Variants in PTPRD observed in about 807,000 individuals in gnomAD.
The protein encoded by PTPRD is protein tyrosine phosphatase receptor type D.
PTPRD carries 34 observed loss-of-function variants against 214.5 expected under a neutral mutation model. The observed-to-expected ratio is 0.16, with a 90% confidence interval of 0.12 to 0.21. The LOEUF (loss-of-function observed/expected upper bound fraction) is 0.21. PTPRD is among the 10% of genes least tolerant of loss of function. The pLI, the probability that PTPRD is intolerant of heterozygous loss-of-function variation, is 1.00. For missense variants in PTPRD, 2,545 were observed against 2,398.7 expected (o/e 1.06, Z -1.27); for synonymous variants, 1,128 against 845.7 (o/e 1.33, Z -5.79).
At chr9:8,683,325 T>C (rs531124885) in intron 12 of PTPRD, among the ~76,000 whole-genome samples, 1 of 151,854 alleles carries the variant, frequency 6.6e-6, no homozygotes, top group East Asian at 1.9e-4. Context: ...TAAGCTTCTT[T>C]GAAAAATGTT....
At chr9:10,467,992 C>T (rs1468948119) in intron 2 of PTPRD, among the ~76,000 whole-genome samples, 2 of 152,046 alleles carry the variant, frequency 1.3e-5, no homozygotes, top group Non-Finnish European at 2.9e-5. Context: ...ATTAAAAAGT[C>T]AGGAAACAAC....
chr9:9,926,039 C>G (rs1444766428), intron 5 of PTPRD, among the ~76,000 whole-genome samples: 1 of 151,886 alleles, frequency 6.6e-6, no homozygotes, highest in Non-Finnish European at 1.5e-5. Context: ...CTATGTTGCC[C>G]AGGCTGGTCT....
chr9:9,992,541 G>C (rs2095977949), intron 4 of PTPRD, among the ~76,000 whole-genome samples: 1 of 152,106 alleles, frequency 6.6e-6, no homozygotes, highest in African/African-American at 2.4e-5. Context: ...CAAAGACTTG[G>C]AACCAACCCA....
intron 2 of PTPRD, among the ~76,000 whole-genome samples, chr9:10,521,809 T>G (rs117073130): frequency 6.6e-6 from 1 of 152,168 alleles, no homozygotes; most frequent in Non-Finnish European, 1.5e-5. Context: ...GGTATGTACA[T>G]TGTTTTTATA....
chr9:9,089,352 A>G (rs2099772182), intron 10 of PTPRD, among the ~76,000 whole-genome samples: 1 of 152,220 alleles, frequency 6.6e-6, no homozygotes, highest in Non-Finnish European at 1.5e-5. Flanking sequence ...TCCAAGGTCT[A>G]CAGTTTGCTG....
chr9:9,916,423 G>T (rs1273739868), intron 5 of PTPRD, among the ~76,000 whole-genome samples: 1 of 151,878 alleles, frequency 6.6e-6, no homozygotes, highest in African/African-American at 2.4e-5. Flanking sequence ...CAAATGATAG[G>T]TGTACGTCCT....
intron 30 of PTPRD, 42 bp downstream of exon 30, chr9:8,484,077 C>G (rs755340887): frequency 6.3e-7 from 1 of 1,586,310 alleles, no homozygotes; most frequent in Non-Finnish European, 8.6e-7. Flanking sequence ...TCCTATTTAC[C>G]TATAATTCTT....
intron 9 of PTPRD, among the ~76,000 whole-genome samples, chr9:9,194,022 C>T (rs1013392330): frequency 5.9e-5 from 9 of 152,092 alleles, no homozygotes; most frequent in Non-Finnish European, 1.5e-5. Flanking sequence ...ATACCCTTAT[C>T]TTACGAGCTT....
chr9:9,793,160 C>G (rs531787925), intron 5 of PTPRD, among the ~76,000 whole-genome samples: 31 of 152,078 alleles, frequency 2.0e-4, no homozygotes, highest in Admixed American at 7.9e-4. Context: ...TTTGCCATGA[C>G]AAAATTATTT....
At chr9:10,005,855 A>T (rs1163898734) in intron 4 of PTPRD, among the ~76,000 whole-genome samples, 1 of 152,130 alleles carries the variant, frequency 6.6e-6, no homozygotes, top group African/African-American at 2.4e-5. Context: ...GATATAAAAG[A>T]ACAAAATTGT....
chr9:8,648,861 T>C (rs1181538011), intron 12 of PTPRD, among the ~76,000 whole-genome samples: 3 of 152,218 alleles, frequency 2.0e-5, no homozygotes, highest in Non-Finnish European at 4.4e-5. Context: ...AGAGTTAGTT[T>C]TCAAAGCAGA....
chr9:9,679,887 G>A (rs2097028096), intron 7 of PTPRD, among the ~76,000 whole-genome samples: 1 of 151,740 alleles, frequency 6.6e-6, no homozygotes, highest in South Asian at 2.1e-4. Flanking sequence ...ATAAATAACA[G>A]CACATTGGAG....
At chr9:9,673,952 A>G (rs2096880364) in intron 7 of PTPRD, among the ~76,000 whole-genome samples, 1 of 151,816 alleles carries the variant, frequency 6.6e-6, no homozygotes, top group African/African-American at 2.4e-5. Flanking sequence ...TCTTTCAAGA[A>G]AAATGATGAA....
chr9:10,511,162 C>T (rs1042425724), intron 2 of PTPRD, among the ~76,000 whole-genome samples: 8 of 152,068 alleles, frequency 5.3e-5, no homozygotes, highest in Non-Finnish European at 7.4e-5. Flanking sequence ...GTTATTTACT[C>T]ATTTCATAGT....
At chr9:9,539,307 T>C (rs2077123569) in intron 8 of PTPRD, among the ~76,000 whole-genome samples, 2 of 151,990 alleles carry the variant, frequency 1.3e-5, no homozygotes, top group South Asian at 2.1e-4. Flanking sequence ...GGAAAGCTTC[T>C]GTCACTTGAG....
At chr9:10,433,374 G>A (rs111982419) in intron 2 of PTPRD, among the ~76,000 whole-genome samples, 39 of 151,920 alleles carry the variant, frequency 2.6e-4, no homozygotes, top group Non-Finnish European at 4.6e-4. Context: ...TTTGCTAATC[G>A]AGGTATATAA....
rs144523206 is a variant in PTPRD at position 9,904,775 on chromosome 9, T to C, written c.-368+33732A>G. Among the ~76,000 whole-genome samples the C allele has an allele frequency of 2.0e-4, 31 of 152,200 alleles. No homozygotes were observed. In the East Asian group the frequency reaches 5.8e-3, roughly 28 times the overall value. ...AATGTAATGACACATGCAAATTTAT[T>C]TGGAAAATAGATGACATAAAAGACA... is the stretch of plus-strand genomic sequence containing the variant. On this transcript the variant is annotated intron_variant, in intron 5 of 45. Coordinates refer to ENST00000381196, the MANE Select transcript of PTPRD (RefSeq NM_002839.4).
intron 7 of PTPRD, among the ~76,000 whole-genome samples, chr9:9,700,830 T>A (rs908349944): frequency 6.6e-6 from 1 of 152,100 alleles, no homozygotes; most frequent in African/African-American, 2.4e-5. Context: ...TCCTAAGATT[T>A]TGGAATATAA....
intron 37 of PTPRD, among the ~76,000 whole-genome samples, chr9:8,382,525 C>T (rs2085434068): frequency 6.6e-6 from 1 of 152,102 alleles, no homozygotes; most frequent in Admixed American, 6.6e-5. Context: ...CTAAGTAGAG[C>T]AGGTGGGGTG....
Sources: gnomAD v4.1 joint callset for allele counts (sites outside exome capture counted in the v4.1 genomes callset) on GRCh38, gnomAD v4.1.1 for gene constraint, MANE v1.5 for transcripts, NCBI Gene and HGNC (gene_info 2026-07-23, HGNC 2026-07-21) for gene names.